Variants in TMEM131L observed in about 807,000 individuals in gnomAD.
TMEM131L encodes the protein transmembrane 131 like, also known as transmembrane protein 131-like.
Under a neutral mutation model 192.2 loss-of-function variants are expected in TMEM131L, and 54 were observed. The observed-to-expected ratio is 0.28, with a 90% CI of 0.23 to 0.35. The LOEUF is 0.35. Among genes scored for constraint, TMEM131L ranks in the 10% least tolerant of loss-of-function variants. The probability of loss-of-function intolerance (pLI) is 1.00; values close to 1 mark genes in which losing one functional copy is unlikely to be tolerated. For missense variants in TMEM131L, 1,888 were observed against 1,972.9 expected (o/e 0.96, Z 0.82); for synonymous variants, 701 against 704.9 (o/e 0.99, Z 0.09).
chr4:153,627,829 C>T (rs1454080030), intron 31 of TMEM131L, 142 bp downstream of exon 31: 2 of 654,178 alleles, frequency 3.1e-6, no homozygotes, highest in Non-Finnish European at 5.3e-6. Context: ...GCCACACGTT[C>T]ATACATCAGG....
chr4:153,568,770 A>G (rs1729393755), intron 7 of TMEM131L, among the ~76,000 whole-genome samples: 1 of 152,256 alleles, frequency 6.6e-6, no homozygotes, highest in Admixed American at 6.5e-5. Flanking sequence ...GAAGACTTAG[A>G]GATACCTAAT....
chr4:153,482,678 A>G (rs1342328684), intron 3 of TMEM131L, among the ~76,000 whole-genome samples: 1 of 152,196 alleles, frequency 6.6e-6, no homozygotes, highest in Non-Finnish European at 1.5e-5. Flanking sequence ...TGCAGCCTGG[A>G]CTTCATGGGC....
intron 7 of TMEM131L, among the ~76,000 whole-genome samples, chr4:153,579,288 T>G (rs1168405719): frequency 6.6e-6 from 1 of 152,026 alleles, no homozygotes. Context: ...GAGCCAAGAT[T>G]GCACTACCCG....
At chr4:153,487,693 C>CGTGT (rs140651689) in intron 3 of TMEM131L, among the ~76,000 whole-genome samples, 7,305 of 141,822 alleles carry the variant, frequency 0.052, 519 homozygotes, top group African/African-American at 0.16. Context: ...GCTGCACAGG[C>CGTGT]GTGTGTGTGT....
intron 3 of TMEM131L, among the ~76,000 whole-genome samples, chr4:153,519,860 G>A (rs1166000529): frequency 2.0e-5 from 3 of 152,184 alleles, no homozygotes; most frequent in African/African-American, 7.2e-5. Flanking sequence ...ATTAGATACT[G>A]TGGATGAATA....
intron 26 of TMEM131L, among the ~76,000 whole-genome samples, chr4:153,613,884 A>G (rs1026432458): frequency 2.6e-5 from 4 of 152,112 alleles, no homozygotes; most frequent in African/African-American, 9.7e-5. Flanking sequence ...TTTTGATTCA[A>G]ATAAAGTAGA....
At chr4:153,501,055 C>A (rs937711998) in intron 3 of TMEM131L, among the ~76,000 whole-genome samples, 1 of 152,282 alleles carries the variant, frequency 6.6e-6, no homozygotes, top group African/African-American at 2.4e-5. Flanking sequence ...GGAAGATTAA[C>A]AGGGTACGCC....
intron 7 of TMEM131L, among the ~76,000 whole-genome samples, chr4:153,560,996 C>A (rs1326658654): frequency 6.6e-6 from 1 of 152,230 alleles, no homozygotes; most frequent in East Asian, 1.9e-4. Context: ...ATTTTACAAT[C>A]CCACTAGCAA....
rs543900320 is a variant in TMEM131L at position 153,491,477 on chromosome 4, G to T, written c.239+17589G>T. Among the ~76,000 whole-genome samples, 38 of 151,822 alleles carry T rather than the reference G, an allele frequency of 2.5e-4. 1 individual carries two copies. In the South Asian group the frequency reaches 7.9e-3, roughly 32 times the overall value. Reference sequence around the variant, plus strand: ...ACTGTTTTCTCAGTGGTCCTTATCAGTTTTTTTTGTTGCTCTGTAATCATT... The same window carrying T: ...ACTGTTTTCTCAGTGGTCCTTATCATTTTTTTTTGTTGCTCTGTAATCATT... On this transcript the variant is annotated intron_variant, in intron 3 of 34. Coordinates refer to ENST00000409959, the MANE Select transcript of TMEM131L (RefSeq NM_001131007.2).
At chr4:153,589,065 C>G (rs532053722) in intron 16 of TMEM131L, 58 bp downstream of exon 16, 1 of 887,134 alleles carries the variant, frequency 1.1e-6, no homozygotes, top group East Asian at 2.4e-5. Flanking sequence ...TTACAGTAGT[C>G]CCTCCTTACC....
chr4:153,513,034 T>A (rs1355441006), intron 3 of TMEM131L, among the ~76,000 whole-genome samples: 1 of 152,212 alleles, frequency 6.6e-6, no homozygotes, highest in Non-Finnish European at 1.5e-5. Context: ...TTTATTAATT[T>A]TCTTTTTTCA....
At chr4:153,471,747 C>G (rs779785545) in intron 2 of TMEM131L, among the ~76,000 whole-genome samples, 58 of 152,310 alleles carry the variant, frequency 3.8e-4, no homozygotes, top group Non-Finnish European at 6.3e-4. Flanking sequence ...CTAGGCAGGG[C>G]TGGGCAGGCT....
At chr4:153,589,263 CT>C (rs1730908732) in intron 16 of TMEM131L, among the ~76,000 whole-genome samples, 1 of 152,094 alleles carries the variant, frequency 6.6e-6, no homozygotes, top group South Asian at 2.1e-4. Flanking sequence ...CAACTTTCAC[CT>C]TTTTGGGTAA....
At chr4:153,629,292 C>T (rs1413314887) in intron 31 of TMEM131L, among the ~76,000 whole-genome samples, 2 of 152,196 alleles carry the variant, frequency 1.3e-5, no homozygotes, top group Admixed American at 6.5e-5. Context: ...TACAGGCCTT[C>T]AGCAAGCTCC....
chr4:153,540,064 TCG>T lies in TMEM131L; in HGVS notation c.240-10005_240-10004del, dbSNP rs1275217812. 4.6e-5 allele frequency among the ~76,000 whole-genome samples: 7 copies of T among 151,886 alleles called. No homozygotes were observed. The East Asian group carries it at 1.2e-3, about 25-fold the overall frequency. On this transcript the variant is annotated intron_variant, in intron 3 of 34. Coordinates refer to ENST00000409959, the MANE Select transcript of TMEM131L (RefSeq NM_001131007.2). ...AGGCGGAGGTTGCAGTGAGCTGAGA[TCG>T]CGCCACTGCCCTCCAGCCTGGGCAA...
At chr4:153,487,719 TGAGAGA>T (rs1554020496) in intron 3 of TMEM131L, among the ~76,000 whole-genome samples, 3 of 143,436 alleles carry the variant, frequency 2.1e-5, no homozygotes, top group Non-Finnish European at 3.0e-5. Context: ...TGTGTGTGTG[TGAGAGA>T]GAGAGAGAGA....
At chr4:153,596,159 TAAAAG>T (rs1731423066) in intron 19 of TMEM131L, 94 bp from the exon 20 acceptor site, 1 of 1,398,642 alleles carries the variant, frequency 7.1e-7, no homozygotes, top group East Asian at 2.4e-5. Flanking sequence ...ATCTGGACAT[TAAAAG>T]AGAAGCAATC....
At position 153,620,820 on chromosome 4, in the gene TMEM131L, A is replaced by C. The variant is rs371116715; in HGVS notation, c.3632A>C (p.Asn1211Thr). ...EKREGNLQNL[N>T]WSKSRTCRKN... The stretch of plus-strand genomic sequence containing the variant: ...AGAGAAGGAAATTTACAAAATTTAA[A>C]TTGGAGTAAAAGTCGAACATGTAGA... Residue 1211 changes from asparagine to threonine, a missense_variant, in exon 27 of 35, where the codon AAT becomes ACT. Coordinates refer to ENST00000409959, the MANE Select transcript of TMEM131L (RefSeq NM_001131007.2). 1.1e-5 allele frequency: 18 copies of C among 1,600,238 alleles called. No homozygotes were observed. Among genetic ancestry groups the C allele is most frequent in the Non-Finnish European group, 1.3e-5 (15 of 1,173,584 alleles).
intron 14 of TMEM131L, among the ~76,000 whole-genome samples, chr4:153,587,426 C>G (rs188482013): frequency 2.6e-5 from 4 of 151,520 alleles, no homozygotes; most frequent in African/African-American, 9.7e-5. Flanking sequence ...GGGTCTCACT[C>G]TGTTGCCCAG....
Sources: allele counts gnomAD v4.1 joint callset (sites outside exome capture counted in the v4.1 genomes callset), GRCh38; gene constraint gnomAD v4.1.1; transcripts MANE v1.5; gene names NCBI Gene and HGNC (gene_info 2026-07-23, HGNC 2026-07-21).